Variants in ADAM9 observed in about 807,000 individuals in gnomAD.
ADAM9 encodes the protein disintegrin and metalloproteinase domain-containing protein 9.
ADAM9 carries 54 observed loss-of-function variants against 108.1 expected under a neutral mutation model. The ratio of observed to expected loss-of-function variants is 0.50; its 90% CI spans 0.40 to 0.63. The LOEUF is 0.63. Among genes scored for constraint, ADAM9 ranks in the 20% least tolerant of loss-of-function variants. The probability of loss-of-function intolerance (pLI) is 0.00; values close to 1 mark genes in which losing one functional copy is unlikely to be tolerated. For synonymous variants in ADAM9, 316 were observed against 336.0 expected (o/e 0.94, Z 0.65); for missense variants, 830 against 997.7 (o/e 0.83, Z 2.26).
chr8:39,082,975 A>T lies in ADAM9; in HGVS notation c.1970A>T (p.Asn657Ile). ...QKKCHGHGVC[N>I]SNKNCHCENG... Reference sequence around the variant, plus strand: ...ATTTTGATTGTTTTGAAGGTATGTAATAGCAATAAGAATTGTCACTGTGAA... The same window carrying T: ...ATTTTGATTGTTTTGAAGGTATGTATTAGCAATAAGAATTGTCACTGTGAA... Residue 657 changes from asparagine to isoleucine, a missense_variant, in exon 18 of 22, where the codon AAT becomes ATT. Asn to Ile is a moderately radical substitution (Grantham distance 149). Coordinates refer to ENST00000487273, the MANE Select transcript of ADAM9 (RefSeq NM_003816.3). The T allele has an allele frequency of 6.2e-7, 1 of 1,613,126 alleles. No homozygotes were observed. Among genetic ancestry groups the T allele is most frequent in the Non-Finnish European group, 8.5e-7 (1 of 1,179,164 alleles).
In ADAM9 at chr8:39,021,276, T is replaced by G. The variant is rs368034285; in HGVS notation, c.673-367T>G. Among the ~76,000 whole-genome samples, 121 of 152,254 alleles carry G rather than the reference T, an allele frequency of 7.9e-4. No homozygotes were observed. In the East Asian group the frequency reaches 0.017, roughly 22 times the overall value. ...TGGATTCTTCATAGTAACAGACACA[T>G]TTTTATTTTATTTTTATTTTTTTTG... On this transcript the variant is annotated intron_variant, in intron 7 of 21. Transcript: ENST00000487273.
At chr8:39,017,468 T>C (rs757949390) in intron 6 of ADAM9, 54 bp downstream of exon 6, 1 of 1,561,650 alleles carries the variant, frequency 6.4e-7, no homozygotes, top group African/African-American at 1.4e-5. Flanking sequence ...AGAAAAATCA[T>C]GTATTTATTC....
At chr8:39,038,655 T>C (rs1837359572) in intron 11 of ADAM9, among the ~76,000 whole-genome samples, 2 of 152,220 alleles carry the variant, frequency 1.3e-5, no homozygotes, top group South Asian at 4.1e-4. Flanking sequence ...TTTCATCCCT[T>C]GCACCAAGAA....
chr8:39,070,293 G>A (rs1013924861), intron 14 of ADAM9, among the ~76,000 whole-genome samples: 1 of 151,946 alleles, frequency 6.6e-6, no homozygotes. Context: ...ACAGTCAACA[G>A]TGTTAGCAGT....
At position 39,007,899 on chromosome 8, in the gene ADAM9, C is replaced by T. The variant is rs1453992640; in HGVS notation, c.111C>T (p.Thr37=). The change falls in exon 2 of 22, where the codon ACC becomes ACT. Residue 37 remains threonine, a synonymous_variant. Transcript: ENST00000487273. ...CCTTTTCTGTAGGCTTTCAACAGAC[C>T]TCACATCTTTCTTCTTATGAAATTA... The part of the protein sequence containing the change: ...LGAARPGFQQ[T]SHLSSYEIIT... The T allele has an allele frequency of 6.2e-7, 1 of 1,611,418 alleles. No individual in the cohort carries two copies. Among genetic ancestry groups the T allele is most frequent in the Admixed American group, 1.7e-5 (1 of 60,004 alleles).
intron 18 of ADAM9, among the ~76,000 whole-genome samples, chr8:39,085,433 T>C (rs529318679): frequency 6.6e-6 from 1 of 152,346 alleles, no homozygotes; most frequent in African/African-American, 2.4e-5. Context: ...TCTGGTGTTT[T>C]TCATTTATGT....
chr8:39,009,524 C>T (rs1050631118), intron 2 of ADAM9, among the ~76,000 whole-genome samples: 18 of 152,206 alleles, frequency 1.2e-4, no homozygotes, highest in Non-Finnish European at 2.1e-4. Flanking sequence ...CAGGCATGAG[C>T]CACCTGTTTT....
chr8:39,071,827 A>G (rs189769894), intron 15 of ADAM9, among the ~76,000 whole-genome samples: 1 of 152,074 alleles, frequency 6.6e-6, no homozygotes, highest in African/African-American at 2.4e-5. Context: ...TAAATACCTA[A>G]CTTTTCAAAC....
At chr8:39,078,447 G>T (rs1359099530) in intron 16 of ADAM9, among the ~76,000 whole-genome samples, 1 of 151,548 alleles carries the variant, frequency 6.6e-6, no homozygotes, top group African/African-American at 2.4e-5. Flanking sequence ...CAGTCTAGAC[G>T]CCTAGAAGCA....
chr8:39,041,879 C>A, intron 11 of ADAM9, 67 bp from the exon 12 acceptor site: 1 of 1,469,684 alleles, frequency 6.8e-7, no homozygotes, highest in Non-Finnish European at 9.5e-7. Flanking sequence ...GGGTTAAAGT[C>A]ATGACTTAAC....
intron 16 of ADAM9, among the ~76,000 whole-genome samples, chr8:39,078,713 A>G (rs1838927103): frequency 6.6e-6 from 1 of 152,160 alleles, no homozygotes; most frequent in South Asian, 2.1e-4. Flanking sequence ...CCTGGGAGGC[A>G]CAGGTTGCAG....
intron 14 of ADAM9, among the ~76,000 whole-genome samples, chr8:39,065,250 A>T (rs1243830410): frequency 4.1e-5 from 6 of 147,086 alleles, no homozygotes; most frequent in Non-Finnish European, 7.5e-5. Flanking sequence ...CAACTTCTTC[A>T]ACTTTATCTT....
intron 20 of ADAM9, among the ~76,000 whole-genome samples, chr8:39,101,104 A>G (rs1048506712): frequency 2.0e-5 from 3 of 152,220 alleles, no homozygotes; most frequent in African/African-American, 7.2e-5. Context: ...TTACCTTCTA[A>G]CTAATACAGT....
At chr8:39,004,999 CCTT>C (rs1247624975) in intron 1 of ADAM9, among the ~76,000 whole-genome samples, 2 of 152,184 alleles carry the variant, frequency 1.3e-5, no homozygotes, top group African/African-American at 2.4e-5. Context: ...GAATGCCTAA[CCTT>C]CTGGGAATGC....
At chr8:39,063,963 C>T (rs972732207) in intron 14 of ADAM9, among the ~76,000 whole-genome samples, 2 of 152,156 alleles carry the variant, frequency 1.3e-5, no homozygotes, top group Non-Finnish European at 2.9e-5. Context: ...TATGGCTGTC[C>T]TTTAGGGCAC....
intron 8 of ADAM9, among the ~76,000 whole-genome samples, 191 bp from the exon 9 acceptor site, chr8:39,022,965 G>A (rs1453424415): frequency 6.6e-6 from 1 of 152,132 alleles, no homozygotes; most frequent in Middle Eastern, 3.4e-3. Context: ...CAACTGCCTC[G>A]GCCTCCCAAA....
rs771958240 is a variant in ADAM9 at position 39,077,271 on chromosome 8, A to G, written c.1741A>G (p.Ile581Val). 1.8e-5 allele frequency: 29 copies of G among 1,614,030 alleles called. No homozygotes were observed. The East Asian group carries it at 5.8e-4, about 32-fold the overall frequency. ...GCTTCAGTGTGAGAATGTACAAGAG[A>G]TACCTGTATTTGGAATTGTGCCTGC... is the stretch of plus-strand genomic sequence containing the variant. Reference protein sequence around the residue: ...GKLQCENVQEIPVFGIVPAII... With the variant: ...GKLQCENVQEVPVFGIVPAII... Residue 581 changes from isoleucine to valine, a missense_variant, in exon 16 of 22, where the codon ATA (isoleucine) becomes GTA (valine). Coordinates refer to ENST00000487273, the MANE Select transcript of ADAM9 (RefSeq NM_003816.3).
Position 39,082,992 on chromosome 8 carries a change from C to T in ADAM9, c.1987C>T (p.His663Tyr), listed in dbSNP as rs756437732. Reference protein sequence around the residue: ...HGVCNSNKNCHCENGWAPPNC... With the variant: ...HGVCNSNKNCYCENGWAPPNC... ...GGTATGTAATAGCAATAAGAATTGT[C>T]ACTGTGAAAATGGCTGGGCTCCCCC... Residue 663 changes from histidine (H) to tyrosine (Y), a missense_variant, in exon 18 of 22, where the codon CAC (histidine) becomes TAC (tyrosine). Around this residue, in one of 3 missense-constraint regions of ADAM9, gnomAD observed 238 missense variants for 235.7 expected, o/e 1.01. Coordinates refer to ENST00000487273, the MANE Select transcript of ADAM9 (RefSeq NM_003816.3). 2.5e-6 allele frequency: 4 copies of T among 1,613,624 alleles called. No individual in the cohort carries two copies. The highest frequency in any genetic ancestry group is 3.4e-6 in the Non-Finnish European group (4 of 1,179,762).
intron 14 of ADAM9, among the ~76,000 whole-genome samples, chr8:39,062,183 G>A (rs1017588395): frequency 7.2e-5 from 11 of 152,106 alleles, no homozygotes; most frequent in African/African-American, 2.7e-4. Flanking sequence ...GTACACAAAC[G>A]TTCAGTATAT....
Sources: gnomAD v4.1 joint callset for allele counts (sites outside exome capture counted in the v4.1 genomes callset) on GRCh38, gnomAD v4.1.1 for gene constraint, gnomAD v4.1.1 regional missense constraint, MANE v1.5 for transcripts, NCBI Gene and HGNC (gene_info 2026-07-23, HGNC 2026-07-21) for gene names.